SLC16A8: variants seen among roughly 807,000 people sequenced by gnomAD.
The protein encoded by SLC16A8 is monocarboxylate transporter 3.
A neutral mutation model predicts 22.4 loss-of-function variants in SLC16A8; 20 were observed. The ratio of observed to expected loss-of-function variants is 0.89; its 90% CI spans 0.63 to 1.30. The LOEUF (loss-of-function observed/expected upper bound fraction) is 1.30, where lower values mean the gene tolerates loss of function less well. Among genes scored for constraint, SLC16A8 ranks in the 50% most tolerant of loss-of-function variants. SLC16A8 has a pLI of 0.00. For missense variants in SLC16A8, 817 were observed against 740.3 expected, an observed-to-expected ratio of 1.10 and a Z score of -1.20; for synonymous variants, 393 against 358.8, an observed-to-expected ratio of 1.10 and a Z score of -1.08.
In SLC16A8 at chr22:38,079,481, G is replaced by A. The variant is rs35808153; in HGVS notation, c.1199-777C>T. Among the ~76,000 whole-genome samples the A allele has an allele frequency of 9.4e-3, 1,430 of 152,240 alleles. 10 individuals carry two copies. The highest frequency in any genetic ancestry group is 0.015 in the Non-Finnish European group (1,000 of 68,018). ...CATTGGCCCAGGCTGGAATGTAGTG[G>A]TGCCATCTTGGCTCACTGCAACCTC... is the stretch of plus-strand genomic sequence containing the variant. On this transcript the variant is annotated intron_variant, in intron 5 of 5. Coordinates refer to ENST00000681075, the MANE Select transcript of SLC16A8 (RefSeq NM_013356.3).
rs2085910264 is a variant in SLC16A8 at position 38,081,129 on chromosome 22, G to A, written c.909C>T (p.Arg303=). The part of the protein sequence containing the change: ...SIVGFVDIVA[R]PACGALAGLA... ...GGCCCGCCAGGGCGCCGCACGCCGG[G>A]CGCGCCACGATGTCCACGAAGCCCA... is the stretch of plus-strand genomic sequence containing the variant. Residue 303 remains arginine, a synonymous_variant, in exon 5 of 6, where the codon CGC becomes CGT. Coordinates refer to ENST00000681075, the MANE Select transcript of SLC16A8 (RefSeq NM_013356.3). 1 of 1,543,698 alleles carries A rather than the reference G, an allele frequency of 6.5e-7. No individual in the cohort carries two copies. Among genetic ancestry groups the A allele is most frequent in the African/African-American group, 1.4e-5 (1 of 73,116 alleles).
chr22:38,082,545 G>T, intron 3 of SLC16A8, 115 bp downstream of exon 3: 1 of 862,026 alleles, frequency 1.2e-6, no homozygotes, highest in East Asian at 2.7e-5. Context: ...CCACAGGCAG[G>T]AAGGGACTTC....
At chr22:38,082,106 C>T (rs1392759568) in intron 3 of SLC16A8, 74 bp from the exon 4 acceptor site, 1 of 1,463,212 alleles carries the variant, frequency 6.8e-7, no homozygotes, top group Non-Finnish European at 9.1e-7. Context: ...TCACCTCCGG[C>T]TCAGGGACAC....
At chr22:38,083,778 G>A (rs2085958195) in intron 1 of SLC16A8, among the ~76,000 whole-genome samples, 1 of 89,714 alleles carries the variant, frequency 1.1e-5, no homozygotes, top group South Asian at 3.2e-4. Context: ...ACCAGGAGCC[G>A]GGGGCTGGGG....
At position 38,081,713 on chromosome 22, in the gene SLC16A8, G is replaced by A. The variant is rs1408127145; in HGVS notation, c.359-34C>T. The A allele has an allele frequency of 2.7e-6, 4 of 1,470,932 alleles. No homozygotes were observed. The African/African-American group carries it at 4.3e-5, about 16-fold the overall frequency. The allele number at this position is 1,470,932 out of a possible 1,614,324, so 91.1% of individuals were successfully genotyped here. On this transcript the variant is annotated intron_variant, in intron 4 of 5. Transcript: ENST00000681075. ...GAGGCGGTGCTGTGCCGGGGTCCCC[G>A]GAGAGCCCCTCCCTGGCCCCCACAG...
At chr22:38,080,204 C>G (rs76719795) in intron 5 of SLC16A8, among the ~76,000 whole-genome samples, 7 of 152,270 alleles carry the variant, frequency 4.6e-5, no homozygotes, top group Admixed American at 2.0e-4. Context: ...CTGTTCCCCC[C>G]CAACAAGCCC....
rs754934213 is a variant in SLC16A8 at position 38,081,972 on chromosome 22, C to A, written c.275G>T (p.Gly92Val). The stretch of plus-strand genomic sequence containing the variant: ...GATCATGCCCGCGGAAGCCAGCAGC[C>A]CACCCGCCAGCATCACCGGGCGACA... ...FGCRPVMLAG[G>V]LLASAGMILA... The change falls in exon 4 of 6, where the codon GGG becomes GTG. Residue 92 changes from glycine to valine, a missense_variant. Gly to Val is a moderately radical substitution (Grantham distance 109). Transcript: ENST00000681075. 1.9e-6 allele frequency: 3 copies of A among 1,564,302 alleles called. No individual in the cohort carries two copies. Among genetic ancestry groups the A allele is most frequent in the African/African-American group, 1.4e-5 (1 of 73,696 alleles).
rs775777765 is a variant in SLC16A8 at position 38,081,286 on chromosome 22, C to A, written c.752G>T (p.Arg251Leu). Residue 251 changes from arginine to leucine, a missense_variant, in exon 5 of 6, where the codon CGC (arginine) becomes CTC (leucine). Arg to Leu is a moderately radical substitution (Grantham distance 102). Coordinates refer to ENST00000681075, the MANE Select transcript of SLC16A8 (RefSeq NM_013356.3). ...GGTGACGGCGTACACGGCGAAGGCG[C>A]GGTCGGTGCACACTGCCAAGTCCAG... is the stretch of plus-strand genomic sequence containing the variant. ...RLLDLAVCTD[R>L]AFAVYAVTKF... The A allele has an allele frequency of 8.3e-6, 13 of 1,572,306 alleles. No individual in the cohort carries two copies. The African/African-American group carries it at 1.6e-4, about 20-fold the overall frequency.
In SLC16A8 at chr22:38,078,277, C is replaced by G; in HGVS notation, c.*111G>C. On this transcript the variant is annotated 3_prime_UTR_variant, in exon 6 of 6. Coordinates refer to ENST00000681075, the MANE Select transcript of SLC16A8 (RefSeq NM_013356.3). ...CCCAGGGGATCAACTGGAGCCCAGA[C>G]GTGGACCCCGGGAGTGACCACCCCA... 9.8e-7 allele frequency: 1 copy of G among 1,022,594 alleles called. No individual in the cohort carries two copies. The highest frequency in any genetic ancestry group is 1.4e-6 in the Non-Finnish European group (1 of 698,522). 63.3% of individuals were successfully genotyped at this position (1,022,594 alleles called of 1,614,324 possible).
At chr22:38,080,686 C>T (rs1403307368) in intron 5 of SLC16A8, among the ~76,000 whole-genome samples, 154 bp downstream of exon 5, 1 of 152,142 alleles carries the variant, frequency 6.6e-6, no homozygotes, top group Non-Finnish European at 1.5e-5. Context: ...GGCGGTCCGG[C>T]TTGGAGGAGG....
chr22:38,082,984 C>T (rs957580907), intron 2 of SLC16A8, 58 bp downstream of exon 2: 1 of 743,028 alleles, frequency 1.3e-6, no homozygotes, highest in Non-Finnish European at 2.1e-6. Flanking sequence ...CAGGGCTACC[C>T]ACGTGAGGGT....
Position 38,078,336 on chromosome 22 carries a change from CAA to C in SLC16A8, c.*50_*51del, listed in dbSNP as rs2085874059. 1 of 1,523,524 alleles carries C rather than the reference CAA, an allele frequency of 6.6e-7. No individual in the cohort carries two copies. Among genetic ancestry groups the C allele is most frequent in the African/African-American group, 1.4e-5 (1 of 73,032 alleles). 94.4% of individuals were successfully genotyped at this position (1,523,524 alleles called of 1,614,324 possible). ...TCCCAGCGTACCAGGCTCTCTGAGA[CAA>C]GAAGCTGTGTTCCCAAGTCACTGGG... is the stretch of plus-strand genomic sequence containing the variant. On this transcript the variant is annotated 3_prime_UTR_variant, in exon 6 of 6. Coordinates refer to ENST00000681075, the MANE Select transcript of SLC16A8 (RefSeq NM_013356.3).
chr22:38,080,858 TGAGCACAGCCGCGGCCTCCAC>T lies in SLC16A8; in HGVS notation c.1159_1179del (p.Val387_Leu393del), dbSNP rs1342989719. ...GGCGCACCGGCAGAGGGCGGTCCGA[TGAGCACAGCCGCGGCCTCCAC>T]GAGCAACACCAGGCCCAGCGCACTG... On this transcript the variant is annotated inframe_deletion, in exon 5 of 6. Transcript: ENST00000681075. 6.5e-7 allele frequency: 1 copy of T among 1,529,340 alleles called. No homozygotes were observed. The highest frequency in any genetic ancestry group is 8.7e-7 in the Non-Finnish European group (1 of 1,145,284). The allele number at this position is 1,529,340 out of a possible 1,614,324, so 94.7% of individuals were successfully genotyped here. A position where few individuals can be genotyped will look rare whatever the true frequency, so the allele number is the denominator to read the frequency against.
intron 2 of SLC16A8, 70 bp from the exon 3 acceptor site, chr22:38,082,951 C>T (rs1164865833): frequency 9.8e-6 from 10 of 1,018,374 alleles, no homozygotes; most frequent in Non-Finnish European, 1.4e-5. Context: ...GGGATGGAGA[C>T]GAAGCATGGG....
In SLC16A8 at chr22:38,081,875, CA is replaced by C. The variant is rs775681418; in HGVS notation, c.358+13del. ...ACCCCCAACCCAGCGGAGAGGAGAC[CA>C]GGGGGCCCTCACCTGTGAGCACCCC... On this transcript the variant is annotated intron_variant, in intron 4 of 5. Coordinates refer to ENST00000681075, the MANE Select transcript of SLC16A8 (RefSeq NM_013356.3). 1.3e-6 allele frequency: 2 copies of C among 1,590,644 alleles called. No homozygotes were observed. Among genetic ancestry groups the C allele is most frequent in the Non-Finnish European group, 8.6e-7 (1 of 1,168,734 alleles).
Position 38,081,821 on chromosome 22 carries a change from G to T in SLC16A8, c.358+68C>A, listed in dbSNP as rs942044697. 2.4e-5 allele frequency: 36 copies of T among 1,521,766 alleles called. No individual in the cohort carries two copies. The African/African-American group carries it at 4.7e-4, about 20-fold the overall frequency. The allele number at this position is 1,521,766 out of a possible 1,614,324, so 94.3% of individuals were successfully genotyped here. A position where few individuals can be genotyped will look rare whatever the true frequency, so the allele number is the denominator to read the frequency against. Reference sequence around the variant, plus strand: ...GAAGACTGTCCCTCATAGGGAAACCGAGGACAGATCTTGCAGCAAGAACCC... The same window carrying T: ...GAAGACTGTCCCTCATAGGGAAACCTAGGACAGATCTTGCAGCAAGAACCC... On this transcript the variant is annotated intron_variant, in intron 4 of 5. Transcript: ENST00000681075.
chr22:38,082,810 G>A lies in SLC16A8; in HGVS notation c.64C>T (p.Leu22=), dbSNP rs1436612157. 6.3e-7 allele frequency: 1 copy of A among 1,589,216 alleles called. No individual in the cohort carries two copies. Among genetic ancestry groups the A allele is most frequent in the African/African-American group, 1.3e-5 (1 of 74,930 alleles). The change falls in exon 3 of 6, where the codon CTG becomes TTG. Residue 22 remains leucine (L), a synonymous_variant. Coordinates refer to ENST00000681075, the MANE Select transcript of SLC16A8 (RefSeq NM_013356.3). ...CCGGTGACCACAAAGCAGGCGCCCA[G>A]CACCACCCAGCCCCAGCCGCCGTCT... is the stretch of plus-strand genomic sequence containing the variant. ...PPDGGWGWVV[L]GACFVVTGFA...
Position 38,078,715 on chromosome 22 carries a change from G to GGAGGAA in SLC16A8, c.1199-17_1199-12dup. 1 of 1,599,134 alleles carries GGAGGAA rather than the reference G, an allele frequency of 6.3e-7. No homozygotes were observed. The highest frequency in any genetic ancestry group is 8.6e-7 in the Non-Finnish European group (1 of 1,168,362). On this transcript the variant is annotated splice_polypyrimidine_tract_variant and intron_variant, in intron 5 of 5. Coordinates refer to ENST00000681075, the MANE Select transcript of SLC16A8 (RefSeq NM_013356.3). ...CATCCACCAGGCGGCCTGGGGAGGA[G>GGAGGAA]GAGGAAGAGGAGGGAGAGGTAAGGT... is the stretch of plus-strand genomic sequence containing the variant.
At position 38,081,687 on chromosome 22, in the gene SLC16A8, C is replaced by G; in HGVS notation, c.359-8G>C. 6.7e-7 allele frequency: 1 copy of G among 1,501,214 alleles called. No individual in the cohort carries two copies. 93.0% of individuals were successfully genotyped at this position (1,501,214 alleles called of 1,614,324 possible). On this transcript the variant is annotated splice_region_variant and splice_polypyrimidine_tract_variant and intron_variant, in intron 4 of 5. Coordinates refer to ENST00000681075, the MANE Select transcript of SLC16A8 (RefSeq NM_013356.3). ...TGAGGGCCAGGCCCAGGCCTGCGGG[C>G]GAGGCGGTGCTGTGCCGGGGTCCCC...
Sources: allele counts gnomAD v4.1 joint callset (sites outside exome capture counted in the v4.1 genomes callset), GRCh38; gene constraint gnomAD v4.1.1; transcripts MANE v1.5; gene names NCBI Gene and HGNC (gene_info 2026-07-23, HGNC 2026-07-21).